The following CENPP variants were observed in gnomAD, a reference collection of about 807,000 sequenced individuals.
CENPP encodes centromere protein P.
Under a neutral mutation model 35.6 loss-of-function variants are expected in CENPP, and 24 were observed. That is an observed-to-expected ratio of 0.67 (90% confidence interval 0.49 to 0.95). The LOEUF is 0.95. CENPP is among the 40% of genes least tolerant of loss of function. CENPP has a pLI of 0.00. For missense variants in CENPP, 332 were observed against 345.3 expected, an observed-to-expected ratio of 0.96 and a Z score of 0.31; for synonymous variants, 120 against 125.5, an observed-to-expected ratio of 0.96 and a Z score of 0.29.
intron 5 of CENPP, among the ~76,000 whole-genome samples, chr9:92,449,437 C>CAAAAAAAAAAAA (rs56218626): frequency 2.5e-4 from 14 of 54,958 alleles, no homozygotes; most frequent in Non-Finnish European, 3.0e-4. Flanking sequence ...ACTCTATCTC[C>CAAAAAAAAAAAA]AAAAAAAAAA....
intron 5 of CENPP, among the ~76,000 whole-genome samples, chr9:92,411,102 A>G (rs978414298): frequency 1.3e-5 from 2 of 151,846 alleles, no homozygotes; most frequent in African/African-American, 4.8e-5. Context: ...CCTCCTGAGT[A>G]TCTGGGACTA....
At chr9:92,562,029 C>A (rs1033060331) in intron 5 of CENPP, among the ~76,000 whole-genome samples, 1 of 152,094 alleles carries the variant, frequency 6.6e-6, no homozygotes, top group Non-Finnish European at 1.5e-5. Context: ...CACTGAAAGA[C>A]ATGTATTCAG....
chr9:92,332,044 G>A (rs936620578), intron 1 of CENPP, 126 bp from the exon 2 acceptor site: 18 of 472,046 alleles, frequency 3.8e-5, no homozygotes, highest in Non-Finnish European at 6.2e-5. Flanking sequence ...TTATTTTAAT[G>A]GGGGAAGGTG....
At chr9:92,562,010 C>T (rs960700311) in intron 5 of CENPP, among the ~76,000 whole-genome samples, 5 of 152,056 alleles carry the variant, frequency 3.3e-5, no homozygotes, top group Non-Finnish European at 7.4e-5. Flanking sequence ...TTCATTCCTC[C>T]ACAACAGACA....
In CENPP at chr9:92,619,750, G is replaced by C. The variant is rs1851566637; in HGVS notation, c.*6601G>C. 3 of 614,364 alleles carry C rather than the reference G, an allele frequency of 4.9e-6. No individual in the cohort carries two copies. The Admixed American group carries it at 7.3e-5, about 15-fold the overall frequency. The allele number at this position is 614,364 out of a possible 1,614,324, so 38.1% of individuals were successfully genotyped here. A position where few individuals can be genotyped will look rare whatever the true frequency, so the allele number is the denominator to read the frequency against. On this transcript the variant is annotated 3_prime_UTR_variant, in exon 8 of 8. Transcript: ENST00000375587. ...TCGCCCTGTGAGAGCACCTGGGCCA[G>C]CCCTCAGTGCCACGGGGCTGCTCAG...
At position 92,338,367 on chromosome 9, in the gene CENPP, G is replaced by T. The variant is rs540631289; in HGVS notation, c.378+738G>T. On this transcript the variant is annotated intron_variant, in intron 3 of 7. Coordinates refer to ENST00000375587, the MANE Select transcript of CENPP (RefSeq NM_001012267.3). ...TATCCCTCAGTATCTGTGAGGGATT[G>T]GTTCCAGGACTCCCTGTAGTACCAA... Among the ~76,000 whole-genome samples the T allele has an allele frequency of 8.6e-5, 13 of 151,986 alleles. 1 individual carries two copies. Among genetic ancestry groups the T allele is most frequent in the African/African-American group, 3.1e-4 (13 of 41,472 alleles).
chr9:92,460,564 A>T, intron 5 of CENPP: 1 of 1,538,836 alleles, frequency 6.5e-7, no homozygotes, highest in Non-Finnish European at 9.0e-7. Flanking sequence ...AGTTGGTGGT[A>T]AGCCTAATAA....
chr9:92,386,593 C>A (rs1159860187), intron 5 of CENPP, among the ~76,000 whole-genome samples: 1 of 151,984 alleles, frequency 6.6e-6, no homozygotes, highest in African/African-American at 2.4e-5. Flanking sequence ...ACTTCTGGTA[C>A]TCTTTGTGTT....
At chr9:92,488,434 G>T (rs1190790029) in intron 5 of CENPP, among the ~76,000 whole-genome samples, 1 of 152,148 alleles carries the variant, frequency 6.6e-6, no homozygotes, top group Non-Finnish European at 1.5e-5. Flanking sequence ...AATACTTAGA[G>T]AATTTGTGGA....
chr9:92,544,365 G>C (rs940904693), intron 5 of CENPP, among the ~76,000 whole-genome samples: 3 of 152,108 alleles, frequency 2.0e-5, no homozygotes, highest in African/African-American at 7.2e-5. Flanking sequence ...AAACCCAGCT[G>C]TTTGGGAGGC....
At chr9:92,346,722 C>T (rs1176922001) in intron 4 of CENPP, among the ~76,000 whole-genome samples, 1 of 152,154 alleles carries the variant, frequency 6.6e-6, no homozygotes, top group Non-Finnish European at 1.5e-5. Flanking sequence ...TAAAACAGTT[C>T]AGGCAAGAGA....
chr9:92,415,974 A>G (rs1318894842), intron 5 of CENPP, among the ~76,000 whole-genome samples: 1 of 145,554 alleles, frequency 6.9e-6, no homozygotes, highest in Non-Finnish European at 1.5e-5. Flanking sequence ...ATTGTCAGTT[A>G]TATATATATG....
chr9:92,449,269 G>A (rs1233772902), intron 5 of CENPP, among the ~76,000 whole-genome samples: 2 of 151,524 alleles, frequency 1.3e-5, no homozygotes, highest in African/African-American at 2.4e-5. Context: ...GTGAAACCCC[G>A]TCTCTACTAA....
At chr9:92,595,578 T>C (rs1337648089) in intron 5 of CENPP, among the ~76,000 whole-genome samples, 2 of 151,868 alleles carry the variant, frequency 1.3e-5, no homozygotes, top group Admixed American at 1.3e-4. Context: ...GTTTTTTGTT[T>C]TTTTTTTCAT....
At chr9:92,435,805 G>A (rs1844232164) in intron 5 of CENPP, among the ~76,000 whole-genome samples, 1 of 152,148 alleles carries the variant, frequency 6.6e-6, no homozygotes. Flanking sequence ...TGGTTTAACT[G>A]TCCACTGAAA....
chr9:92,383,109 G>A (rs1162416065), intron 5 of CENPP, among the ~76,000 whole-genome samples: 3 of 151,890 alleles, frequency 2.0e-5, no homozygotes, highest in Non-Finnish European at 2.9e-5. Context: ...TGTTGGCCAG[G>A]CTGGTCTCGA....
chr9:92,367,671 G>C (rs1841919515), intron 4 of CENPP, among the ~76,000 whole-genome samples: 2 of 152,060 alleles, frequency 1.3e-5, no homozygotes. Flanking sequence ...AGGCTGTAGT[G>C]CAATGGTGCG....
chr9:92,572,996 CT>C (rs1353678890), intron 5 of CENPP, among the ~76,000 whole-genome samples: 5 of 152,108 alleles, frequency 3.3e-5, no homozygotes, highest in African/African-American at 2.4e-5. Flanking sequence ...TTCGTCTAAT[CT>C]TTTTTTCAAG....
At chr9:92,364,793 G>A (rs942547400) in intron 4 of CENPP, among the ~76,000 whole-genome samples, 1 of 152,170 alleles carries the variant, frequency 6.6e-6, no homozygotes, top group African/African-American at 2.4e-5. Flanking sequence ...AATGATACAT[G>A]GTAATTGATG....
Sources: gnomAD v4.1 joint callset for allele counts (sites outside exome capture counted in the v4.1 genomes callset) on GRCh38, gnomAD v4.1.1 for gene constraint, MANE v1.5 for transcripts, NCBI Gene and HGNC (gene_info 2026-07-23, HGNC 2026-07-21) for gene names.